Variants in RYR3 observed in about 807,000 individuals in gnomAD.
RYR3 encodes the protein ryanodine receptor 3.
Under a neutral mutation model 584.3 loss-of-function variants are expected in RYR3, and 207 were observed. The observed-to-expected ratio is 0.35, with a 90% CI of 0.32 to 0.40. The LOEUF (loss-of-function observed/expected upper bound fraction) is 0.40. Ranked by LOEUF, RYR3 falls within the 10% of genes least tolerant of loss-of-function variation. The probability of loss-of-function intolerance (pLI) is 1.00; values close to 1 mark genes in which losing one functional copy is unlikely to be tolerated. For missense variants in RYR3, 5,616 were observed against 6,089.2 expected (o/e 0.92, Z 2.59); for synonymous variants, 2,416 against 2,248.5 (o/e 1.07, Z -2.11).
chr15:33,643,141 T>G (rs2061921744), intron 27 of RYR3, among the ~76,000 whole-genome samples: 1 of 152,150 alleles, frequency 6.6e-6, no homozygotes, highest in African/African-American at 2.4e-5. Flanking sequence ...AAAATTGGCT[T>G]TTAAATGTCC....
At chr15:33,487,792 C>T (rs2050590515) in intron 2 of RYR3, among the ~76,000 whole-genome samples, 1 of 152,198 alleles carries the variant, frequency 6.6e-6, no homozygotes, top group African/African-American at 2.4e-5. Flanking sequence ...GGTTGGGATG[C>T]AATCCTAACT....
chr15:33,816,021 T>C (rs1596765078), intron 74 of RYR3: 1 of 395,682 alleles, frequency 2.5e-6, no homozygotes, highest in Non-Finnish European at 4.5e-6. Flanking sequence ...GAACACGAAT[T>C]TGTACAATTT....
chr15:33,859,752 G>T, intron 100 of RYR3, 21 bp downstream of exon 100: 1 of 1,594,416 alleles, frequency 6.3e-7, no homozygotes. Flanking sequence ...CAATTGTGTT[G>T]AGTATGAACA....
intron 96 of RYR3, among the ~76,000 whole-genome samples, 195 bp downstream of exon 96, chr15:33,853,877 C>G (rs1020524382): frequency 2.0e-5 from 3 of 152,042 alleles, no homozygotes; most frequent in Admixed American, 6.6e-5. Flanking sequence ...CCCTATAGAG[C>G]TGAAAGATAA....
At chr15:33,735,792 G>A (rs8036377) in intron 48 of RYR3, among the ~76,000 whole-genome samples, 54,540 of 151,974 alleles carry the variant, frequency 0.36, 10,130 homozygotes, top group East Asian at 0.57. Context: ...ATCATAAGGC[G>A]GAGGGCTTTA....
chr15:33,433,260 A>G (rs1373661982), intron 1 of RYR3, among the ~76,000 whole-genome samples: 1 of 152,182 alleles, frequency 6.6e-6, no homozygotes, highest in Non-Finnish European at 1.5e-5. Flanking sequence ...CAGGAAAGTC[A>G]TTGTTATAGA....
chr15:33,562,824 G>A lies in RYR3; in HGVS notation c.973-13G>A, dbSNP rs1171194254. 1 of 1,600,154 alleles carries A rather than the reference G, an allele frequency of 6.2e-7. No individual in the cohort carries two copies. ...GCTATGCCTATGTTTGTTTCTTTTTGTGTATGAATTAGGAACTCAAGGAGA... is the reference window on the plus strand; with the variant it reads ...GCTATGCCTATGTTTGTTTCTTTTTATGTATGAATTAGGAACTCAAGGAGA... On this transcript the variant is annotated splice_polypyrimidine_tract_variant and intron_variant, in intron 10 of 103. Transcript: ENST00000634891.
intron 35 of RYR3, 38 bp from the exon 36 acceptor site, chr15:33,663,499 G>C (rs1261322824): frequency 6.3e-7 from 1 of 1,582,336 alleles, no homozygotes; most frequent in South Asian, 1.1e-5. Flanking sequence ...CCTCACCAAA[G>C]TACACAAAGT....
At chr15:33,785,098 A>G (rs1307636194) in intron 65 of RYR3, among the ~76,000 whole-genome samples, 1 of 152,206 alleles carries the variant, frequency 6.6e-6, no homozygotes, top group Non-Finnish European at 1.5e-5. Flanking sequence ...GAAGCCAGAA[A>G]TCAGTCCACG....
chr15:33,859,807 T>C, intron 100 of RYR3, 76 bp downstream of exon 100: 4 of 1,441,944 alleles, frequency 2.8e-6, no homozygotes, highest in Non-Finnish European at 3.8e-6. Context: ...TATGACTTAA[T>C]TGGTTTATGA....
intron 39 of RYR3, among the ~76,000 whole-genome samples, chr15:33,697,509 T>A (rs2065932016): frequency 6.6e-6 from 1 of 152,192 alleles, no homozygotes; most frequent in Non-Finnish European, 1.5e-5. Flanking sequence ...TGAATTTATA[T>A]TGGATGACTT....
At chr15:33,634,785 T>C (rs778611830) in intron 25 of RYR3, 52 bp downstream of exon 25, 15 of 1,515,480 alleles carry the variant, frequency 9.9e-6, no homozygotes, top group Non-Finnish European at 1.4e-5. Flanking sequence ...ACAGGTCCTC[T>C]TCTTGGGGCA....
chr15:33,693,916 G>A (rs1019253712), intron 38 of RYR3, among the ~76,000 whole-genome samples: 4 of 152,178 alleles, frequency 2.6e-5, no homozygotes, highest in Admixed American at 2.6e-4. Flanking sequence ...AACACAGAGT[G>A]CCCGGACTAG....
intron 3 of RYR3, among the ~76,000 whole-genome samples, chr15:33,506,791 T>A (rs547389761): frequency 2.7e-4 from 41 of 152,360 alleles, no homozygotes; most frequent in Non-Finnish European, 5.3e-4. Flanking sequence ...GGAGTCTGAT[T>A]ATTTTGCTTT....
At position 33,724,147 on chromosome 15, in the gene RYR3, C is replaced by G. The variant is rs756309598; in HGVS notation, c.6883C>G (p.Leu2295Val). The G allele has an allele frequency of 1.2e-6, 2 of 1,609,160 alleles. No homozygotes were observed. Among genetic ancestry groups the G allele is most frequent in the Non-Finnish European group, 1.7e-6 (2 of 1,175,958 alleles). The part of the protein sequence containing the change: ...IMSFYSALID[L>V]LGRCAPEMHL... ...GTCATTTTATTCGGCCCTTATAGAT[C>G]TACTGGGCCGCTGTGCTCCTGAAAT... Residue 2295 changes from leucine (L) to valine (V), a missense_variant, in exon 45 of 104, where the codon CTA becomes GTA. Around this residue, in one of 9 missense-constraint regions of RYR3, gnomAD observed 1,280 missense variants for 1,426.2 expected, o/e 0.90. Coordinates refer to ENST00000634891, the MANE Select transcript of RYR3 (RefSeq NM_001036.6).
chr15:33,560,218 T>C (rs2057326093), intron 10 of RYR3, among the ~76,000 whole-genome samples: 1 of 152,242 alleles, frequency 6.6e-6, no homozygotes, highest in African/African-American at 2.4e-5. Flanking sequence ...TTTCCTTTAC[T>C]GATTCATCAT....
chr15:33,628,644 C>T (rs1738457558), intron 21 of RYR3, 69 bp downstream of exon 21: 1 of 963,592 alleles, frequency 1.0e-6, no homozygotes, highest in South Asian at 1.4e-5. Context: ...GTTCTTCCTG[C>T]TGCATGCCTA....
At position 33,646,566 on chromosome 15, in the gene RYR3, A is replaced by G. The variant is rs754755977; in HGVS notation, c.3941+40A>G. The stretch of plus-strand genomic sequence containing the variant: ...TCCAGTTCTCAGAGGCACTCATTGT[A>G]TCTCCTGTAAAGTGGGCTTTCTGCT... On this transcript the variant is annotated intron_variant, in intron 29 of 103. Coordinates refer to ENST00000634891, the MANE Select transcript of RYR3 (RefSeq NM_001036.6). 130 of 1,556,424 alleles carry G rather than the reference A, an allele frequency of 8.4e-5. 1 individual carries two copies. In the East Asian group the frequency reaches 2.9e-3, roughly 34 times the overall value.
rs559854374 is a variant in RYR3 at position 33,350,760 on chromosome 15, A to AGT, written c.51+39669_51+39670dup. ...AGAGTCTCTGGGACACATTCAAAGCAGTGTGTAGAGGGAAATTTATAGCAC... is the reference window on the plus strand; with the variant it reads ...AGAGTCTCTGGGACACATTCAAAGCAGTGTGTGTAGAGGGAAATTTATAGCAC... On this transcript the variant is annotated intron_variant, in intron 1 of 103. Transcript: ENST00000634891. 5.1e-3 allele frequency among the ~76,000 whole-genome samples: 781 copies of AGT among 152,158 alleles called. 5 individuals are homozygous for AGT. Among genetic ancestry groups the AGT allele is most frequent in the African/African-American group, 0.017 (702 of 41,500 alleles).
Sources: allele counts gnomAD v4.1 joint callset (sites outside exome capture counted in the v4.1 genomes callset), GRCh38; gene constraint gnomAD v4.1.1; regional missense constraint gnomAD v4.1.1; transcripts MANE v1.5; gene names NCBI Gene and HGNC (gene_info 2026-07-23, HGNC 2026-07-21).